DIXDC1: variants seen among roughly 807,000 people sequenced by gnomAD.
DIXDC1 encodes the protein DIX domain containing 1, also known as dixin.
DIXDC1 carries 64 observed loss-of-function variants against 103.1 expected under a neutral mutation model. The ratio of observed to expected loss-of-function variants is 0.62; its 90% CI spans 0.51 to 0.76. The LOEUF (loss-of-function observed/expected upper bound fraction) is 0.76, where lower values mean the gene tolerates loss of function less well. DIXDC1 is among the 30% of genes least tolerant of loss of function. The probability of loss-of-function intolerance (pLI) is 0.00; values close to 1 mark genes in which losing one functional copy is unlikely to be tolerated. For missense variants in DIXDC1, 759 were observed against 834.2 expected, an observed-to-expected ratio of 0.91 and a Z score of 1.11; for synonymous variants, 266 against 298.5, an observed-to-expected ratio of 0.89 and a Z score of 1.12.
chr11:111,974,640 G>A (rs1445244977), intron 4 of DIXDC1, among the ~76,000 whole-genome samples: 2 of 152,318 alleles, frequency 1.3e-5, no homozygotes, highest in South Asian at 2.1e-4. Context: ...GGCAGGAAAT[G>A]CTTTGTGGGT....
At chr11:112,018,920 T>C in intron 19 of DIXDC1, 36 bp from the exon 20 acceptor site, 1 of 1,575,606 alleles carries the variant, frequency 6.3e-7, no homozygotes, top group East Asian at 2.2e-5. Context: ...TCAGATTCCC[T>C]GTTTTTTCAC....
At chr11:111,968,190 AT>A (rs1263193762) in intron 2 of DIXDC1, among the ~76,000 whole-genome samples, 16 of 152,250 alleles carry the variant, frequency 1.1e-4, no homozygotes, top group African/African-American at 3.4e-4. Flanking sequence ...GAGGGACTTT[AT>A]TGTTCTTTTT....
intron 17 of DIXDC1, among the ~76,000 whole-genome samples, chr11:112,015,799 C>T (rs1373082735): frequency 1.9e-4 from 9 of 47,030 alleles, no homozygotes; most frequent in East Asian, 9.1e-4. Context: ...GAGACCCTGT[C>T]TTTTTTTTTT....
At chr11:111,933,224 G>C (rs1246069988), upstream of DIXDC1, among the ~76,000 whole-genome samples, 1 of 152,062 alleles carries the variant, frequency 6.6e-6, no homozygotes, top group Non-Finnish European at 1.5e-5. Flanking sequence ...CACCTCCCAG[G>C]TTCAAGCGAT....
intron 14 of DIXDC1, 107 bp from the exon 15 acceptor site, chr11:111,994,912 A>G: frequency 9.5e-7 from 1 of 1,057,404 alleles, no homozygotes; most frequent in South Asian, 1.5e-5. Context: ...TAAACAGACA[A>G]TTATATACTT....
At chr11:111,969,913 G>A (rs1426685495) in intron 3 of DIXDC1, among the ~76,000 whole-genome samples, 1 of 152,050 alleles carries the variant, frequency 6.6e-6, no homozygotes, top group Non-Finnish European at 1.5e-5. Flanking sequence ...AATAGGAGAA[G>A]AAAAAGTTAA....
intron 5 of DIXDC1, 132 bp from the exon 6 acceptor site, chr11:111,980,605 C>T: frequency 3.3e-6 from 2 of 603,222 alleles, no homozygotes; most frequent in Non-Finnish European, 5.8e-6. Flanking sequence ...TTCTGTGGGC[C>T]AAGTACTGTG....
intron 1 of DIXDC1, among the ~76,000 whole-genome samples, chr11:111,953,481 A>G (rs966397186): frequency 2.0e-5 from 3 of 152,104 alleles, no homozygotes; most frequent in African/African-American, 4.8e-5. Context: ...TACTAAAAAT[A>G]TAAAAAATTA....
chr11:111,930,956 C>T (rs368966736), intron 2 of DIXDC1, among the ~76,000 whole-genome samples: 6 of 149,558 alleles, frequency 4.0e-5, no homozygotes, highest in East Asian at 2.0e-4. Context: ...TGGGTTCAAG[C>T]GATTCTCCTG....
intron 1 of DIXDC1, among the ~76,000 whole-genome samples, chr11:111,956,924 T>C (rs1444511421): frequency 1.3e-5 from 2 of 151,888 alleles, no homozygotes; most frequent in African/African-American, 2.4e-5. Flanking sequence ...CCCAGCACTT[T>C]GGGAGGCTGA....
intron 4 of DIXDC1, chr11:111,974,511 T>C (rs587713909): frequency 2.9e-5 from 15 of 524,076 alleles, no homozygotes; most frequent in African/African-American, 1.5e-4. Context: ...AATTTAAATA[T>C]ACACTTTTGG....
chr11:111,929,778 G>A (rs1555167470), intron 1 of DIXDC1: 2 of 1,338,096 alleles, frequency 1.5e-6, no homozygotes, highest in Non-Finnish European at 2.0e-6. Flanking sequence ...TTTTTTTCCT[G>A]GCTTGTTATT....
rs1566550546 is a variant in DIXDC1 at position 111,994,919 on chromosome 11, ACTT to A, written c.1438-98_1438-96del. 83 of 1,072,324 alleles carry A rather than the reference ACTT, an allele frequency of 7.7e-5. 2 individuals carry two copies. In the South Asian group the frequency reaches 1.1e-3, roughly 15 times the overall value. 66.4% of individuals were successfully genotyped at this position (1,072,324 alleles called of 1,614,324 possible). A position where few individuals can be genotyped will look rare whatever the true frequency, so the allele number is the denominator to read the frequency against. On this transcript the variant is annotated intron_variant, in intron 14 of 19. Coordinates refer to ENST00000440460, the MANE Select transcript of DIXDC1 (RefSeq NM_001037954.4). ...AGAGCCATTAAACAGACAATTATAT[ACTT>A]CATCAGGAAGTGATAAATGTAAAGA...
chr11:112,013,335 G>GC (rs1157873178), intron 17 of DIXDC1, among the ~76,000 whole-genome samples: 2 of 135,086 alleles, frequency 1.5e-5, no homozygotes, highest in African/African-American at 5.6e-5. Flanking sequence ...GGTGGGGTGG[G>GC]GGGGGGGAAC....
At chr11:111,985,600 C>G (rs587668708) in intron 8 of DIXDC1, among the ~76,000 whole-genome samples, 1 of 152,154 alleles carries the variant, frequency 6.6e-6, no homozygotes, top group South Asian at 2.1e-4. Context: ...CATTCAAGGT[C>G]TCTTTGAAGC....
In DIXDC1 at chr11:111,988,981, G is replaced by A. The variant is rs1555174192; in HGVS notation, c.1063-24G>A. 1.9e-6 allele frequency: 3 copies of A among 1,605,784 alleles called. No homozygotes were observed. In the South Asian group the frequency reaches 3.4e-5, roughly 18 times the overall value. ...TGAAGCAACCCAGATGTCACCATCT[G>A]ATCTAACTATATTTGGTTTGCAGAA... On this transcript the variant is annotated intron_variant, in intron 9 of 19. Transcript: ENST00000440460.
At chr11:111,940,382 C>A (rs1280663511) in intron 1 of DIXDC1, among the ~76,000 whole-genome samples, 3 of 152,200 alleles carry the variant, frequency 2.0e-5, no homozygotes, top group Non-Finnish European at 4.4e-5. Flanking sequence ...GCTGTCATCC[C>A]CCATTTCCTA....
intron 1 of DIXDC1, among the ~76,000 whole-genome samples, chr11:111,941,903 C>T (rs1966433554): frequency 6.6e-6 from 1 of 151,684 alleles, no homozygotes; most frequent in African/African-American, 2.4e-5. Context: ...GGTCTCATCT[C>T]CATAAGGGGG....
intron 1 of DIXDC1, among the ~76,000 whole-genome samples, chr11:111,959,297 G>A (rs1284013442): frequency 1.3e-5 from 2 of 152,196 alleles, no homozygotes; most frequent in African/African-American, 4.8e-5. Flanking sequence ...CCCAAGCCAG[G>A]GCTGTGACAC....
Sources: allele counts gnomAD v4.1 joint callset (sites outside exome capture counted in the v4.1 genomes callset), GRCh38; gene constraint gnomAD v4.1.1; transcripts MANE v1.5; gene names NCBI Gene and HGNC (gene_info 2026-07-23, HGNC 2026-07-21).